CMSS1: variants seen among roughly 807,000 people sequenced by gnomAD.
CMSS1 encodes the protein protein CMSS1.
Under a neutral mutation model 43.5 loss-of-function variants are expected in CMSS1, and 33 were observed. That is an observed-to-expected ratio of 0.76 (90% CI 0.57 to 1.01). CMSS1 has a LOEUF of 1.01. Ranked by LOEUF, CMSS1 falls within the 50% of genes least tolerant of loss-of-function variation. The pLI is 0.00. For synonymous variants in CMSS1, 115 were observed against 117.2 expected, an observed-to-expected ratio of 0.98 and a Z score of 0.12; for missense variants, 313 against 326.4, an observed-to-expected ratio of 0.96 and a Z score of 0.32.
In CMSS1 at chr3:100,157,973, A is replaced by G. The variant is rs143173265; in HGVS notation, c.154-2457A>G. Reference sequence around the variant, plus strand: ...AAAGACTTACTTATTGTTAGCTTCCACCCCTTCTGAAACCCAGCTGCTAGC... The same window carrying G: ...AAAGACTTACTTATTGTTAGCTTCCGCCCCTTCTGAAACCCAGCTGCTAGC... On this transcript the variant is annotated intron_variant, in intron 2 of 9. Transcript: ENST00000421999. Among the ~76,000 whole-genome samples the G allele has an allele frequency of 2.4e-4, 37 of 152,128 alleles. No individual in the cohort carries two copies. The East Asian group carries it at 7.1e-3, about 29-fold the overall frequency.
At chr3:100,150,505 A>G (rs1449700593) in intron 2 of CMSS1, among the ~76,000 whole-genome samples, 1 of 152,238 alleles carries the variant, frequency 6.6e-6, no homozygotes, top group African/African-American at 2.4e-5. Flanking sequence ...AGGCAAGAGC[A>G]TCTGTCAAGA....
rs1343226468 is a variant in CMSS1 at position 99,986,874 on chromosome 3, T to C, written c.65-160099T>C. On this transcript the variant is annotated intron_variant, in intron 1 of 9. Coordinates refer to ENST00000421999, the MANE Select transcript of CMSS1 (RefSeq NM_032359.4). ...GTTATTCAGACCAAAATGTCTATAG[T>C]GCCAAGGTGGAGAAACCCTGATCTA... 7.9e-5 allele frequency among the ~76,000 whole-genome samples: 12 copies of C among 152,264 alleles called. No homozygotes were observed. In the East Asian group the frequency reaches 2.3e-3, roughly 29 times the overall value.
chr3:100,067,623 T>C (rs889651522), intron 1 of CMSS1, among the ~76,000 whole-genome samples: 7 of 152,210 alleles, frequency 4.6e-5, no homozygotes, highest in African/African-American at 1.7e-4. Context: ...GAAGAACAAC[T>C]AGAATTCACA....
intron 1 of CMSS1, among the ~76,000 whole-genome samples, chr3:100,024,340 A>C (rs1197340104): frequency 6.6e-6 from 1 of 152,044 alleles, no homozygotes; most frequent in African/African-American, 2.4e-5. Context: ...TGCATTTTCT[A>C]TGATTTCTCA....
chr3:99,949,890 CTG>C (rs376693727), intron 1 of CMSS1, among the ~76,000 whole-genome samples: 2 of 152,086 alleles, frequency 1.3e-5, no homozygotes, highest in Non-Finnish European at 1.5e-5. Flanking sequence ...TCTTAATCAG[CTG>C]TGTGTGTGTT....
At chr3:100,106,495 T>C (rs1379701334) in intron 1 of CMSS1, among the ~76,000 whole-genome samples, 1 of 152,130 alleles carries the variant, frequency 6.6e-6, no homozygotes, top group Non-Finnish European at 1.5e-5. Context: ...GCCACCCATC[T>C]GAAAACTGCA....
At chr3:99,991,606 C>T (rs1300999325) in intron 1 of CMSS1, among the ~76,000 whole-genome samples, 1 of 151,918 alleles carries the variant, frequency 6.6e-6, no homozygotes, top group African/African-American at 2.4e-5. Context: ...CCCCCTGCCA[C>T]CTTCCCACCT....
intron 1 of CMSS1, among the ~76,000 whole-genome samples, chr3:99,999,373 T>C: frequency 6.6e-6 from 1 of 152,208 alleles, no homozygotes; most frequent in East Asian, 1.9e-4. Context: ...GTCATAAGTA[T>C]AGAGTTGGTG....
At chr3:99,922,785 GA>G (rs1209931899) in intron 1 of CMSS1, among the ~76,000 whole-genome samples, 4 of 152,166 alleles carry the variant, frequency 2.6e-5, no homozygotes, top group Admixed American at 1.3e-4. Context: ...CATATGGTTA[GA>G]AAATATTTAC....
intron 9 of CMSS1, 71 bp from the exon 10 acceptor site, chr3:100,178,234 G>T: frequency 2.3e-6 from 2 of 870,636 alleles, no homozygotes; most frequent in South Asian, 1.5e-5. Flanking sequence ...GAGTCCTGAT[G>T]GTTGAATGTA....
At chr3:99,849,653 T>G (rs758684365) in intron 1 of CMSS1, 1 of 1,613,342 alleles carries the variant, frequency 6.2e-7, no homozygotes, top group Admixed American at 1.7e-5. Context: ...TCTAGCTCTT[T>G]AGATAAAAAT....
chr3:100,006,303 TG>T (rs2107180387), intron 1 of CMSS1, among the ~76,000 whole-genome samples: 1 of 152,288 alleles, frequency 6.6e-6, no homozygotes, highest in East Asian at 1.9e-4. Context: ...TTGTTTCCTT[TG>T]TACAAGTCAT....
chr3:100,162,931 C>T (rs761261273), intron 4 of CMSS1, among the ~76,000 whole-genome samples: 1 of 152,008 alleles, frequency 6.6e-6, no homozygotes, highest in South Asian at 2.1e-4. Flanking sequence ...GCCAAGATGA[C>T]GCCATTGCAC....
At position 99,930,874 on chromosome 3, in the gene CMSS1, CG is replaced by C. The variant is rs762517685; in HGVS notation, c.64+112833del. The C allele has an allele frequency of 4.3e-5, 70 of 1,613,004 alleles. No homozygotes were observed. The Middle Eastern group carries it at 8.2e-4, about 19-fold the overall frequency. On this transcript the variant is annotated intron_variant, in intron 1 of 9. Coordinates refer to ENST00000421999, the MANE Select transcript of CMSS1 (RefSeq NM_032359.4). The stretch of plus-strand genomic sequence containing the variant: ...TGTGTGGCTTCTCTGCCTTGGGACA[CG>C]GAAGTATTACATCCGACTCACTGGG...
chr3:99,880,158 A>G (rs1254761666), intron 1 of CMSS1, among the ~76,000 whole-genome samples: 2 of 152,122 alleles, frequency 1.3e-5, no homozygotes, highest in African/African-American at 4.8e-5. Flanking sequence ...GCCAAAGGGG[A>G]TGTCTGTGGT....
intron 1 of CMSS1, among the ~76,000 whole-genome samples, chr3:99,919,737 A>G (rs994749331): frequency 1.3e-5 from 2 of 152,118 alleles, no homozygotes; most frequent in Non-Finnish European, 2.9e-5. Context: ...GTCATAATAG[A>G]AAAGGATTGA....
At chr3:100,143,760 C>T (rs1202953987) in intron 1 of CMSS1, among the ~76,000 whole-genome samples, 1 of 152,186 alleles carries the variant, frequency 6.6e-6, no homozygotes, top group Non-Finnish European at 1.5e-5. Context: ...GGTGCATACA[C>T]ATTTAGGATT....
At chr3:100,014,895 C>CTTTTTTTTTTTTTTTTTT (rs1233573719) in intron 1 of CMSS1, among the ~76,000 whole-genome samples, 2 of 25,006 alleles carry the variant, frequency 8.0e-5, no homozygotes, top group Non-Finnish European at 1.4e-4. Flanking sequence ...TTCTTTCTTT[C>CTTTTTTTTTTTTTTTTTT]TTTTTTTTTT....
At chr3:99,957,693 CTTTTTTTTTTTTTT>C (rs779350496) in intron 1 of CMSS1, among the ~76,000 whole-genome samples, 1,408 of 19,980 alleles carry the variant, frequency 0.07, 61 homozygotes, top group African/African-American at 0.22. Context: ...TTCTTTCTTT[CTTTTTTTTTTTTTT>C]TTTTTTTTTT....
Sources: allele counts gnomAD v4.1 joint callset (sites outside exome capture counted in the v4.1 genomes callset), GRCh38; gene constraint gnomAD v4.1.1; transcripts MANE v1.5; gene names NCBI Gene and HGNC (gene_info 2026-07-23, HGNC 2026-07-21).